RASGEF1B: variants seen among roughly 807,000 people sequenced by gnomAD.
RASGEF1B encodes RasGEF domain family member 1B.
A neutral mutation model predicts 65.7 loss-of-function variants in RASGEF1B; 30 were observed. The ratio of observed to expected loss-of-function variants is 0.46; its 90% CI spans 0.34 to 0.62. RASGEF1B has a LOEUF of 0.62. RASGEF1B is among the 20% of genes least tolerant of loss of function. The pLI is 0.01. For missense variants in RASGEF1B, 495 were observed against 580.1 expected, an observed-to-expected ratio of 0.85 and a Z score of 1.51; for synonymous variants, 175 against 194.8, an observed-to-expected ratio of 0.90 and a Z score of 0.85.
chr4:81,430,164 G>C (rs773262592), intron 13 of RASGEF1B, among the ~76,000 whole-genome samples: 1 of 152,160 alleles, frequency 6.6e-6, no homozygotes, highest in Non-Finnish European at 1.5e-5. Flanking sequence ...AGCCGGGCGT[G>C]GTGGCGGGCG....
chr4:81,459,726 C>G (rs1421793948), intron 1 of RASGEF1B, among the ~76,000 whole-genome samples: 1 of 152,164 alleles, frequency 6.6e-6, no homozygotes, highest in African/African-American at 2.4e-5. Flanking sequence ...CACTCTCATT[C>G]AATCAAATAT....
At chr4:81,428,630 T>G (rs923374411) in intron 13 of RASGEF1B, among the ~76,000 whole-genome samples, 5 of 152,222 alleles carry the variant, frequency 3.3e-5, no homozygotes, top group African/African-American at 9.7e-5. Context: ...AGAGATGACT[T>G]AAAGTATAAG....
chr4:81,469,113 A>G (rs1203637353), intron 1 of RASGEF1B, among the ~76,000 whole-genome samples: 4 of 152,212 alleles, frequency 2.6e-5, no homozygotes, highest in African/African-American at 9.7e-5. Context: ...TGGGCTGGCA[A>G]TACCTGAATT....
At chr4:81,456,531 G>T (rs1341250262) in intron 4 of RASGEF1B, 120 bp downstream of exon 4, 1 of 1,013,224 alleles carries the variant, frequency 9.9e-7, no homozygotes, top group South Asian at 1.3e-5. Flanking sequence ...GATGTGGAGG[G>T]CTTGCCCAAA....
Position 81,456,634 on chromosome 4 carries a change from A to G in RASGEF1B, c.438+17T>C. ...GCCTGGGAATTCCAGCAGCCGCGCTAAATTCAGGTTACCAACCTCTTCGCC... is the reference window on the plus strand; with the variant it reads ...GCCTGGGAATTCCAGCAGCCGCGCTGAATTCAGGTTACCAACCTCTTCGCC... On this transcript the variant is annotated intron_variant, in intron 4 of 13. Coordinates refer to ENST00000264400, the MANE Select transcript of RASGEF1B (RefSeq NM_152545.3). 6.2e-7 allele frequency: 1 copy of G among 1,613,860 alleles called. No homozygotes were observed. The highest frequency in any genetic ancestry group is 8.5e-7 in the Non-Finnish European group (1 of 1,179,852).
At chr4:81,468,395 T>C (rs1722919614) in intron 1 of RASGEF1B, among the ~76,000 whole-genome samples, 1 of 152,226 alleles carries the variant, frequency 6.6e-6, no homozygotes, top group Non-Finnish European at 1.5e-5. Context: ...GGCTAATTTG[T>C]ACTTTCTCTG....
At chr4:81,455,374 G>A (rs1722408251) in intron 4 of RASGEF1B, 1 of 152,194 alleles carries the variant, frequency 6.6e-6, no homozygotes, top group Admixed American at 6.5e-5. Context: ...AGAAGTCAAG[G>A]ATGCAGTGAG....
intron 1 of RASGEF1B, among the ~76,000 whole-genome samples, chr4:81,466,164 C>G (rs997039033): frequency 6.6e-6 from 1 of 152,198 alleles, no homozygotes; most frequent in Non-Finnish European, 1.5e-5. Flanking sequence ...CCCGGAATTA[C>G]TGGTTCCCGA....
At chr4:81,466,820 A>AAG (rs1435005018) in intron 1 of RASGEF1B, among the ~76,000 whole-genome samples, 24 of 150,718 alleles carry the variant, frequency 1.6e-4, no homozygotes, top group African/African-American at 5.4e-4. Flanking sequence ...GAAAGAAAGA[A>AAG]AGAAAATTTC....
chr4:81,449,315 A>G (rs1233588262), intron 4 of RASGEF1B, among the ~76,000 whole-genome samples: 2 of 152,208 alleles, frequency 1.3e-5, no homozygotes, highest in Admixed American at 6.5e-5. Context: ...CTACTTCATT[A>G]TGCTACAGCC....
intron 4 of RASGEF1B, among the ~76,000 whole-genome samples, chr4:81,449,054 C>T (rs1453183297): frequency 3.3e-5 from 5 of 152,114 alleles, no homozygotes; most frequent in South Asian, 2.1e-4. Flanking sequence ...CCTTGTGATC[C>T]GCCTGCCTCA....
At chr4:81,470,222 T>G (rs1218224780) in intron 1 of RASGEF1B, among the ~76,000 whole-genome samples, 1 of 152,220 alleles carries the variant, frequency 6.6e-6, no homozygotes, top group South Asian at 2.1e-4. Context: ...TAATTTTTAT[T>G]TCTTTTTATT....
intron 13 of RASGEF1B, 114 bp downstream of exon 13, chr4:81,432,185 G>A (rs898873154): frequency 3.2e-6 from 2 of 627,962 alleles, no homozygotes; most frequent in Non-Finnish European, 5.7e-6. Context: ...AAGAGATAAA[G>A]TGCAGAGGAC....
chr4:81,427,732 AAGCAGC>A lies in RASGEF1B; in HGVS notation c.*30_*35del. On this transcript the variant is annotated 3_prime_UTR_variant, in exon 14 of 14. Coordinates refer to ENST00000264400, the MANE Select transcript of RASGEF1B (RefSeq NM_152545.3). ...GGCCAGCCCCTCCATGATCTGCAGG[AAGCAGC>A]AGCAGCAGCAGGCAGGCAGCTCCCA... 6.2e-7 allele frequency: 1 copy of A among 1,612,138 alleles called. No homozygotes were observed.
Position 81,442,336 on chromosome 4 carries a change from A to G in RASGEF1B, c.969T>C (p.Thr323=), listed in dbSNP as rs142409504. Residue 323 remains threonine (T), a synonymous_variant, in exon 9 of 14, where the codon ACT becomes ACC. Transcript: ENST00000264400. ...ATTTTGCAGTCTTCACTTTGGCCCA[A>G]GTTTTTTTTAGTCGAGAGACTGGGC... is the stretch of plus-strand genomic sequence containing the variant. ...NMSPVSRLKK[T]WAKVKTAKFD... is the part of the protein sequence containing the mutation. The G allele has an allele frequency of 3.7e-6, 6 of 1,613,638 alleles. No individual in the cohort carries two copies. Among genetic ancestry groups the G allele is most frequent in the Non-Finnish European group, 5.1e-6 (6 of 1,179,626 alleles).
At chr4:81,456,340 C>T (rs905002884) in intron 4 of RASGEF1B, 4 of 595,294 alleles carry the variant, frequency 6.7e-6, no homozygotes, top group Non-Finnish European at 1.2e-5. Flanking sequence ...CTGTGTCAAA[C>T]CTTTTTGGGA....
chr4:81,445,716 T>C (rs1176512678), intron 7 of RASGEF1B, 27 bp downstream of exon 7: 1 of 1,600,434 alleles, frequency 6.2e-7, no homozygotes, highest in Non-Finnish European at 8.6e-7. Flanking sequence ...TGTTGAGAAC[T>C]AGGAGACAGA....
At chr4:81,442,666 A>T (rs1216921580) in intron 8 of RASGEF1B, among the ~76,000 whole-genome samples, 2 of 152,268 alleles carry the variant, frequency 1.3e-5, no homozygotes, top group Non-Finnish European at 2.9e-5. Flanking sequence ...ACTACAAGAC[A>T]CTATCACTGT....
chr4:81,458,113 C>G (rs912745726), intron 2 of RASGEF1B, among the ~76,000 whole-genome samples: 20 of 152,246 alleles, frequency 1.3e-4, no homozygotes, highest in African/African-American at 4.3e-4. Context: ...TAGCACATCA[C>G]AGTAAAGTGT....
Sources: allele counts gnomAD v4.1 joint callset (sites outside exome capture counted in the v4.1 genomes callset), GRCh38; gene constraint gnomAD v4.1.1; transcripts MANE v1.5; gene names NCBI Gene and HGNC (gene_info 2026-07-23, HGNC 2026-07-21).